The following ROR2 variants were observed in gnomAD, a reference collection of about 807,000 sequenced individuals.
The protein encoded by ROR2 is ROR family WNT receptor 2.
Under a neutral mutation model 74.9 loss-of-function variants are expected in ROR2, and 33 were observed. The ratio of observed to expected loss-of-function variants is 0.44; its 90% CI spans 0.33 to 0.59. The LOEUF is 0.59. Among genes scored for constraint, ROR2 ranks in the 20% least tolerant of loss-of-function variants. The probability of loss-of-function intolerance (pLI) is 0.02; values close to 1 mark genes in which losing one functional copy is unlikely to be tolerated. For missense variants in ROR2, 1,216 were observed against 1,313.8 expected, an observed-to-expected ratio of 0.93 and a Z score of 1.15; for synonymous variants, 586 against 558.7, an observed-to-expected ratio of 1.05 and a Z score of -0.69.
At chr9:91,916,678 T>C (rs1436678930) in intron 1 of ROR2, among the ~76,000 whole-genome samples, 5 of 152,222 alleles carry the variant, frequency 3.3e-5, no homozygotes, top group Non-Finnish European at 7.3e-5. Context: ...TGCCAATGTG[T>C]TTGGGACCCT....
chr9:91,724,643 G>A lies in ROR2; in HGVS notation c.1851C>T (p.Ala617=). Residue 617 remains alanine, a synonymous_variant, in exon 9 of 9, where the codon GCC becomes GCT. Transcript: ENST00000375708. ...TGTCGTACACTAGCACATTGCGGGT[G>A]GCCAGGTCCTTGTGAACCACGTGGT... The part of the protein sequence containing the change: ...SSHHVVHKDL[A]TRNVLVYDKL... The A allele has an allele frequency of 6.2e-7, 1 of 1,614,226 alleles. No homozygotes were observed. The highest frequency in any genetic ancestry group is 8.5e-7 in the Non-Finnish European group (1 of 1,180,048).
intron 4 of ROR2, among the ~76,000 whole-genome samples, chr9:91,741,670 T>C (rs1020893184): frequency 1.3e-5 from 2 of 152,214 alleles, no homozygotes; most frequent in Non-Finnish European, 1.5e-5. Context: ...ATTCTCATAA[T>C]TGTTTATCTT....
chr9:91,798,851 G>GT (rs1218889891), intron 1 of ROR2, among the ~76,000 whole-genome samples: 1 of 152,180 alleles, frequency 6.6e-6, no homozygotes, highest in African/African-American at 2.4e-5. Context: ...ACTCAGTTCT[G>GT]TATCTGTGAA....
At chr9:91,938,388 G>A (rs1831757192) in intron 1 of ROR2, among the ~76,000 whole-genome samples, 1 of 152,158 alleles carries the variant, frequency 6.6e-6, no homozygotes, top group Non-Finnish European at 1.5e-5. Context: ...CCTAGGAGGT[G>A]GAGGTTACAG....
chr9:91,813,633 T>G (rs116655368), intron 1 of ROR2, among the ~76,000 whole-genome samples: 2 of 152,274 alleles, frequency 1.3e-5, no homozygotes, highest in East Asian at 3.9e-4. Flanking sequence ...AGAAACCCAA[T>G]GGGCCCCGCC....
At chr9:91,866,340 A>C (rs1227939463) in intron 1 of ROR2, among the ~76,000 whole-genome samples, 1 of 151,478 alleles carries the variant, frequency 6.6e-6, no homozygotes, top group Non-Finnish European at 1.5e-5. Flanking sequence ...GGCTGGTGTC[A>C]AACTTCTGAT....
chr9:91,938,715 T>C (rs1432236720), intron 1 of ROR2, among the ~76,000 whole-genome samples: 1 of 152,202 alleles, frequency 6.6e-6, no homozygotes, highest in East Asian at 1.9e-4. Flanking sequence ...AGTACACATC[T>C]CTCCTTCTGT....
intron 1 of ROR2, among the ~76,000 whole-genome samples, chr9:91,823,020 T>G (rs1476264284): frequency 6.6e-6 from 1 of 152,212 alleles, no homozygotes; most frequent in Non-Finnish European, 1.5e-5. Context: ...GCTTTTCCTC[T>G]TCTAACAGTT....
At chr9:91,819,828 A>T (rs1828085229) in intron 1 of ROR2, among the ~76,000 whole-genome samples, 1 of 150,540 alleles carries the variant, frequency 6.6e-6, no homozygotes, top group Non-Finnish European at 1.5e-5. Context: ...TCTGTCTTTG[A>T]ATGTCATTGT....
At chr9:91,946,876 G>C (rs917330458) in intron 1 of ROR2, among the ~76,000 whole-genome samples, 2 of 152,202 alleles carry the variant, frequency 1.3e-5, no homozygotes, top group South Asian at 2.1e-4. Context: ...TGAGCTGTTC[G>C]TACCCCTGTA....
intron 4 of ROR2, among the ~76,000 whole-genome samples, chr9:91,752,708 A>G (rs538851182): frequency 1.3e-5 from 2 of 152,348 alleles, no homozygotes; most frequent in South Asian, 4.1e-4. Flanking sequence ...AGATGTGTGC[A>G]TTTCACTGGT....
chr9:91,747,545 G>A (rs554663978), intron 4 of ROR2, among the ~76,000 whole-genome samples: 10 of 152,346 alleles, frequency 6.6e-5, no homozygotes, highest in African/African-American at 2.4e-4. Flanking sequence ...CATTTATACA[G>A]ACAGGACACA....
chr9:91,945,415 G>A (rs1257363947), intron 1 of ROR2, among the ~76,000 whole-genome samples: 1 of 152,102 alleles, frequency 6.6e-6, no homozygotes, highest in Non-Finnish European at 1.5e-5. Flanking sequence ...GGGATTTAGG[G>A]GAACCCTCCC....
At chr9:91,888,169 T>C (rs1168576508) in intron 1 of ROR2, among the ~76,000 whole-genome samples, 2 of 152,192 alleles carry the variant, frequency 1.3e-5, no homozygotes, top group Non-Finnish European at 2.9e-5. Flanking sequence ...ATGCTTTTTC[T>C]AGACTTTTGT....
At chr9:91,789,183 T>C (rs1826893912) in intron 1 of ROR2, among the ~76,000 whole-genome samples, 1 of 152,218 alleles carries the variant, frequency 6.6e-6, no homozygotes, top group Non-Finnish European at 1.5e-5. Context: ...ATACAATGCA[T>C]ACATGCACTG....
At position 91,950,042 on chromosome 9, in the gene ROR2, G is replaced by A; in HGVS notation, c.-79C>T. ...GTCGGGCGCCACCACCCCTTTCTAC[G>A]ATGCGTCCGCTCCTCCTTCTCCCTG... On this transcript the variant is annotated 5_prime_UTR_variant, in exon 1 of 9. Transcript: ENST00000375708. 2 of 627,078 alleles carry A rather than the reference G, an allele frequency of 3.2e-6. No homozygotes were observed. The highest frequency in any genetic ancestry group is 2.4e-6 in the Non-Finnish European group (1 of 408,196). 38.8% of individuals were successfully genotyped at this position (627,078 alleles called of 1,614,324 possible).
intron 1 of ROR2, among the ~76,000 whole-genome samples, chr9:91,843,109 G>C (rs149424525): frequency 9.9e-5 from 15 of 152,244 alleles, no homozygotes; most frequent in African/African-American, 3.6e-4. Flanking sequence ...GTTTACATGC[G>C]CAGGAGGGAA....
intron 1 of ROR2, among the ~76,000 whole-genome samples, chr9:91,776,899 C>G (rs1826439003): frequency 6.6e-6 from 1 of 152,038 alleles, no homozygotes; most frequent in Non-Finnish European, 1.5e-5. Context: ...ATACATACCC[C>G]AAAGAAAAAT....
At chr9:91,946,173 C>T (rs1832009228) in intron 1 of ROR2, among the ~76,000 whole-genome samples, 1 of 152,216 alleles carries the variant, frequency 6.6e-6, no homozygotes, top group Non-Finnish European at 1.5e-5. Context: ...GGGGTGCAAC[C>T]AATAAAAATC....
Sources: gnomAD v4.1 joint callset for allele counts (sites outside exome capture counted in the v4.1 genomes callset) on GRCh38, gnomAD v4.1.1 for gene constraint, MANE v1.5 for transcripts, NCBI Gene and HGNC (gene_info 2026-07-23, HGNC 2026-07-21) for gene names.